ASPH: variants seen among roughly 807,000 people sequenced by gnomAD.
The protein encoded by ASPH is aspartyl/asparaginyl beta-hydroxylase.
Under a neutral mutation model 118.4 loss-of-function variants are expected in ASPH, and 100 were observed. The observed-to-expected ratio is 0.84, with a 90% CI of 0.72 to 1.00. The LOEUF (loss-of-function observed/expected upper bound fraction) is 1.00. Among genes scored for constraint, ASPH ranks in the 50% least tolerant of loss-of-function variants. The pLI is 0.00. For synonymous variants in ASPH, 315 were observed against 325.6 expected (o/e 0.97, Z 0.35); for missense variants, 920 against 919.5 (o/e 1.00, Z -0.01).
intron 20 of ASPH, among the ~76,000 whole-genome samples, chr8:61,549,592 A>G (rs1195187406): frequency 6.6e-6 from 1 of 152,242 alleles, no homozygotes; most frequent in Admixed American, 6.5e-5. Flanking sequence ...TTTAAAAACT[A>G]GAAAGTTAAA....
At chr8:61,601,106 A>C (rs968317998) in intron 14 of ASPH, among the ~76,000 whole-genome samples, 3 of 151,334 alleles carry the variant, frequency 2.0e-5, no homozygotes, top group African/African-American at 7.4e-5. Context: ...ACAAAACCTG[A>C]CAGAACTTTA....
intron 15 of ASPH, among the ~76,000 whole-genome samples, chr8:61,579,829 T>C (rs1475031019): frequency 6.6e-6 from 1 of 150,486 alleles, no homozygotes; most frequent in Non-Finnish European, 1.5e-5. Flanking sequence ...GGGACCCCCC[T>C]TGCCCATGCC....
At chr8:61,574,167 A>G (rs1452960019) in intron 16 of ASPH, among the ~76,000 whole-genome samples, 1 of 152,246 alleles carries the variant, frequency 6.6e-6, no homozygotes, top group Non-Finnish European at 1.5e-5. Flanking sequence ...CACGCCAGTT[A>G]GAATGGCGAT....
chr8:61,605,814 GTACCAA>G (rs775742623), intron 14 of ASPH, among the ~76,000 whole-genome samples: 119 of 152,264 alleles, frequency 7.8e-4, no homozygotes, highest in South Asian at 2.5e-3. Context: ...CATGACGCTA[GTACCAA>G]TGCACTAAGT....
intron 13 of ASPH, among the ~76,000 whole-genome samples, chr8:61,627,731 A>G (rs1343901474): frequency 6.6e-6 from 1 of 152,208 alleles, no homozygotes; most frequent in Non-Finnish European, 1.5e-5. Context: ...AATAAACTAA[A>G]AGTTCTACTA....
intron 15 of ASPH, 82 bp downstream of exon 15, chr8:61,583,862 A>T (rs556866971): frequency 1.1e-5 from 9 of 829,620 alleles, no homozygotes; most frequent in East Asian, 2.9e-5. Flanking sequence ...TACACTTACT[A>T]TTTTTTTTTT....
At chr8:61,696,499 G>A (rs139688109) in intron 1 of ASPH, among the ~76,000 whole-genome samples, 10 of 152,256 alleles carry the variant, frequency 6.6e-5, no homozygotes, top group East Asian at 3.9e-4. Flanking sequence ...CCTGTCATAC[G>A]AATTTGTGAT....
At chr8:61,504,908 G>A (rs1404560924) in intron 24 of ASPH, among the ~76,000 whole-genome samples, 1 of 152,158 alleles carries the variant, frequency 6.6e-6, no homozygotes, top group Non-Finnish European at 1.5e-5. Flanking sequence ...GTTCACTGAA[G>A]TTGGGAACTG....
At chr8:61,568,706 G>A (rs963945836) in intron 16 of ASPH, among the ~76,000 whole-genome samples, 5 of 152,006 alleles carry the variant, frequency 3.3e-5, no homozygotes, top group South Asian at 4.1e-4. Flanking sequence ...GAAAAGAAGC[G>A]GTCCAAGAAC....
intron 3 of ASPH, chr8:61,661,875 A>T (rs1817089843): frequency 9.2e-6 from 4 of 433,030 alleles, no homozygotes; most frequent in Non-Finnish European, 1.2e-5. Flanking sequence ...CAATTTCATC[A>T]GTCTCTCATT....
At chr8:61,688,018 T>C (rs1201062656) in intron 1 of ASPH, among the ~76,000 whole-genome samples, 1 of 152,184 alleles carries the variant, frequency 6.6e-6, no homozygotes, top group African/African-American at 2.4e-5. Context: ...GATATGTCAT[T>C]TGGTAAATAT....
intron 1 of ASPH, among the ~76,000 whole-genome samples, chr8:61,702,201 C>A (rs573833921): frequency 6.6e-6 from 1 of 152,036 alleles, no homozygotes; most frequent in Admixed American, 6.5e-5. Flanking sequence ...GCAGTTTCCC[C>A]TCATGTCTAC....
chr8:61,714,229 G>A, intron 1 of ASPH, 40 bp downstream of exon 1: 2 of 1,419,280 alleles, frequency 1.4e-6, no homozygotes, highest in South Asian at 1.4e-5. Flanking sequence ...TCCCTACCCC[G>A]AGGCGAGGCC....
At chr8:61,637,903 A>G (rs1182806530) in intron 12 of ASPH, 44 bp downstream of exon 12, 7 of 1,542,764 alleles carry the variant, frequency 4.5e-6, no homozygotes, top group Non-Finnish European at 6.2e-6. Flanking sequence ...AACAAACACA[A>G]TTCTCATATG....
At chr8:61,653,037 C>T (rs1033360914) in intron 4 of ASPH, among the ~76,000 whole-genome samples, 1 of 152,152 alleles carries the variant, frequency 6.6e-6, no homozygotes, top group Non-Finnish European at 1.5e-5. Context: ...TCACGACTTT[C>T]CTACCTATAG....
chr8:61,506,609 T>G (rs1162029395), intron 24 of ASPH, among the ~76,000 whole-genome samples: 1 of 152,196 alleles, frequency 6.6e-6, no homozygotes, highest in African/African-American at 2.4e-5. Flanking sequence ...CTCTTGACCT[T>G]GGCATTTATT....
intron 14 of ASPH, among the ~76,000 whole-genome samples, chr8:61,608,021 T>C (rs1286672804): frequency 6.6e-6 from 1 of 152,160 alleles, no homozygotes; most frequent in African/African-American, 2.4e-5. Flanking sequence ...TCTCCAGTCC[T>C]AGGCCAGAGG....
rs1186269304 is a variant in ASPH, at chr8:61,548,059, A to C, written c.1764+12T>G. ...AAAGATCTGGTGAGGATGATGTCTA[A>C]GTTATACTTACCTTTACTAACTCTG... On this transcript the variant is annotated intron_variant, in intron 21 of 24. Transcript: ENST00000379454. 1 of 1,611,018 alleles carries C rather than the reference A, an allele frequency of 6.2e-7. No homozygotes were observed. The highest frequency in any genetic ancestry group is 1.3e-5 in the African/African-American group (1 of 74,870).
chr8:61,682,105 C>T (rs1828369616), intron 2 of ASPH, among the ~76,000 whole-genome samples: 1 of 151,984 alleles, frequency 6.6e-6, no homozygotes, highest in Non-Finnish European at 1.5e-5. Flanking sequence ...TTTATCTCCC[C>T]AGAGCCCTTG....
Sources: allele counts gnomAD v4.1 joint callset (sites outside exome capture counted in the v4.1 genomes callset), GRCh38; gene constraint gnomAD v4.1.1; transcripts MANE v1.5; gene names NCBI Gene and HGNC (gene_info 2026-07-23, HGNC 2026-07-21).